The following TCN2 variants were observed in gnomAD, a reference collection of about 807,000 sequenced individuals.
TCN2 encodes the protein transcobalamin-2.
TCN2 carries 34 observed loss-of-function variants against 48.6 expected under a neutral mutation model. The observed-to-expected ratio is 0.70, with a 90% CI of 0.53 to 0.93. TCN2 has a LOEUF of 0.93. Among genes scored for constraint, TCN2 ranks in the 40% least tolerant of loss-of-function variants. The probability of loss-of-function intolerance (pLI) is 0.00; values close to 1 mark genes in which losing one functional copy is unlikely to be tolerated. For synonymous variants in TCN2, 283 were observed against 212.5 expected (o/e 1.33, Z -2.89); for missense variants, 652 against 526.1 (o/e 1.24, Z -2.34).
chr22:30,614,184 C>T (rs771939997), intron 3 of TCN2, among the ~76,000 whole-genome samples, 165 bp from the exon 4 acceptor site: 2 of 152,202 alleles, frequency 1.3e-5, no homozygotes, highest in Non-Finnish European at 2.9e-5. Flanking sequence ...CAGTGCCTGA[C>T]ACACAGTGAG....
intron 4 of TCN2, 149 bp downstream of exon 4, chr22:30,614,650 A>G: frequency 8.3e-7 from 1 of 1,208,228 alleles, no homozygotes; most frequent in Middle Eastern, 2.7e-4. Flanking sequence ...GCGAGGGCTC[A>G]TGGGTGATGC....
chr22:30,614,093 C>T (rs756220265), intron 3 of TCN2, among the ~76,000 whole-genome samples: 37 of 152,220 alleles, frequency 2.4e-4, no homozygotes, highest in Non-Finnish European at 4.8e-4. Flanking sequence ...GTTGCAATTG[C>T]AGTCGCATGA....
intron 8 of TCN2, among the ~76,000 whole-genome samples, chr22:30,625,229 A>AAAATAACAG (rs1488920553): frequency 6.6e-6 from 1 of 152,152 alleles, no homozygotes; most frequent in Non-Finnish European, 1.5e-5. Context: ...AAAATGAAAT[A>AAAATAACAG]AAATAACAGA....
chr22:30,611,020 T>C lies in TCN2; in HGVS notation c.214T>C (p.Tyr72His). 6.2e-7 allele frequency: 1 copy of C among 1,614,144 alleles called. No homozygotes were observed. The highest frequency in any genetic ancestry group is 8.5e-7 in the Non-Finnish European group (1 of 1,179,992). ...SLQAGTKEDL[Y>H]LHSLKLGYQQ... ...GCAGGCTGGGACCAAGGAAGACCTC[T>C]ACCTGCACAGCCTCAAGCTTGGTTA... The change falls in exon 2 of 9, where the codon TAC becomes CAC. Residue 72 changes from tyrosine to histidine, a missense_variant. Coordinates refer to ENST00000215838, the MANE Select transcript of TCN2 (RefSeq NM_000355.4).
chr22:30,621,985 A>C (rs2087707196), intron 7 of TCN2, among the ~76,000 whole-genome samples: 1 of 151,718 alleles, frequency 6.6e-6, no homozygotes, highest in Admixed American at 6.6e-5. Context: ...TGGCCCACGG[A>C]GTTTGTTTTG....
chr22:30,623,813 TACACACAC>T (rs1350280322), intron 8 of TCN2, among the ~76,000 whole-genome samples: 23 of 53,940 alleles, frequency 4.3e-4, no homozygotes, highest in Non-Finnish European at 6.1e-4. Context: ...TACACATATA[TACACACAC>T]ATACACACAC....
intron 7 of TCN2, among the ~76,000 whole-genome samples, chr22:30,621,293 T>G (rs893480073): frequency 6.6e-6 from 1 of 152,056 alleles, no homozygotes; most frequent in South Asian, 2.1e-4. Context: ...GCGCCCCACC[T>G]GTGTTTCTTA....
intron 1 of TCN2, 139 bp from the exon 2 acceptor site, chr22:30,610,732 C>T: frequency 1.2e-6 from 1 of 822,364 alleles, no homozygotes; most frequent in South Asian, 1.6e-5. Flanking sequence ...GGCTGCATTT[C>T]CCCCTGCAAG....
Position 30,623,857 on chromosome 22 carries a change from CATACACACATAT to C in TCN2, c.1222+802_1222+813del, listed in dbSNP as rs1411487862. Among the ~76,000 whole-genome samples the C allele has an allele frequency of 1.0e-3, 24 of 24,074 alleles. 6 individuals are homozygous for C. Among genetic ancestry groups the C allele is most frequent in the South Asian group, 2.4e-3 (4 of 1,672 alleles). 15.8% of individuals were successfully genotyped at this position (24,074 alleles called of 152,430 possible). A position where few individuals can be genotyped will look rare whatever the true frequency, so the allele number is the denominator to read the frequency against. ...ATATACACACACATACATACACATA[CATACACACATAT>C]ATACACACATATATACACACATATA... On this transcript the variant is annotated intron_variant, in intron 8 of 8. Coordinates refer to ENST00000215838, the MANE Select transcript of TCN2 (RefSeq NM_000355.4).
rs754253807 is a variant in TCN2, at chr22:30,614,411, C to A, written c.490C>A (p.Leu164Met). 2 of 1,614,062 alleles carry A rather than the reference C, an allele frequency of 1.2e-6. No homozygotes were observed. Among genetic ancestry groups the A allele is most frequent in the Non-Finnish European group, 1.7e-6 (2 of 1,180,030 alleles). Residue 164 changes from leucine (L) to methionine (M), a missense_variant, in exon 4 of 9, where the codon CTG becomes ATG. Leu to Met is a conservative substitution (Grantham distance 15). Coordinates refer to ENST00000215838, the MANE Select transcript of TCN2 (RefSeq NM_000355.4). ...YYQYGLGILA[L>M]CLHQKRVHDS... ...CCAGTATGGCCTGGGCATTCTGGCCCTGTGTCTCCACCAGAAGCGGGTCCA... is the reference window on the plus strand; with the variant it reads ...CCAGTATGGCCTGGGCATTCTGGCCATGTGTCTCCACCAGAAGCGGGTCCA...
chr22:30,619,373 G>T (rs1484360148), intron 7 of TCN2, among the ~76,000 whole-genome samples: 3 of 152,190 alleles, frequency 2.0e-5, no homozygotes, highest in Non-Finnish European at 4.4e-5. Context: ...AGCCGCCGTG[G>T]CTGGCCAGAA....
chr22:30,614,329 T>G lies in TCN2; in HGVS notation c.428-20T>G. On this transcript the variant is annotated intron_variant, in intron 3 of 8. Transcript: ENST00000215838. Reference sequence around the variant, plus strand: ...TGGGTGGGGGCAGAGAGGCAACCCCTCTGTTTTTTTCCCTCTCAGGGCATG... The same window carrying G: ...TGGGTGGGGGCAGAGAGGCAACCCCGCTGTTTTTTTCCCTCTCAGGGCATG... The G allele has an allele frequency of 6.2e-7, 1 of 1,613,348 alleles. No individual in the cohort carries two copies. Among genetic ancestry groups the G allele is most frequent in the Non-Finnish European group, 8.5e-7 (1 of 1,179,522 alleles).
At position 30,615,584 on chromosome 22, in the gene TCN2, C is replaced by T. The variant is rs913335645; in HGVS notation, c.754-17C>T. The T allele has an allele frequency of 1.2e-6, 2 of 1,613,976 alleles. No individual in the cohort carries two copies. Among genetic ancestry groups the T allele is most frequent in the African/African-American group, 1.3e-5 (1 of 74,922 alleles). Reference sequence around the variant, plus strand: ...TGCCGGCTGACTTCCTCTCTCTCTTCCTCACTCTATCACCAGTTCCTCATG... The same window carrying T: ...TGCCGGCTGACTTCCTCTCTCTCTTTCTCACTCTATCACCAGTTCCTCATG... On this transcript the variant is annotated splice_polypyrimidine_tract_variant and intron_variant, in intron 5 of 8. Coordinates refer to ENST00000215838, the MANE Select transcript of TCN2 (RefSeq NM_000355.4).
At position 30,626,690 on chromosome 22, in the gene TCN2, A is replaced by G; in HGVS notation, c.*169A>G. 1 of 717,668 alleles carries G rather than the reference A, an allele frequency of 1.4e-6. No homozygotes were observed. The highest frequency in any genetic ancestry group is 1.6e-5 in the South Asian group (1 of 63,784). The allele number at this position is 717,668 out of a possible 1,614,324, so 44.5% of individuals were successfully genotyped here. On this transcript the variant is annotated 3_prime_UTR_variant, in exon 9 of 9. Transcript: ENST00000215838. Reference sequence around the variant, plus strand: ...ACAAGCCCTTCGAGGGCCCTATACCATGGCCCACCTTGGAGCAGAGAGCCA... The same window carrying G: ...ACAAGCCCTTCGAGGGCCCTATACCGTGGCCCACCTTGGAGCAGAGAGCCA...
chr22:30,613,236 C>T (rs1448124713), intron 3 of TCN2, among the ~76,000 whole-genome samples, 194 bp downstream of exon 3: 2 of 152,182 alleles, frequency 1.3e-5, no homozygotes, highest in African/African-American at 4.8e-5. Context: ...TCCCGCGCTG[C>T]ACACATACTA....
At chr22:30,612,797 G>A in intron 2 of TCN2, 76 bp from the exon 3 acceptor site, 3 of 1,581,848 alleles carry the variant, frequency 1.9e-6, no homozygotes, top group Admixed American at 3.4e-5. Flanking sequence ...GCTTTGTGAT[G>A]CGGGTGGGGT....
intron 4 of TCN2, 44 bp downstream of exon 4, chr22:30,614,545 A>G (rs776012946): frequency 6.2e-7 from 1 of 1,612,578 alleles, no homozygotes. Flanking sequence ...GCACTCCCTC[A>G]GTCCCCAGGT....
chr22:30,626,182 G>T (rs544640423), intron 8 of TCN2, among the ~76,000 whole-genome samples: 1 of 152,144 alleles, frequency 6.6e-6, no homozygotes, highest in African/African-American at 2.4e-5. Flanking sequence ...ACTGCACTGC[G>T]CAAGTTTCTC....
chr22:30,618,175 C>G (rs982639514), intron 7 of TCN2, among the ~76,000 whole-genome samples: 2 of 147,036 alleles, frequency 1.4e-5, no homozygotes, highest in Admixed American at 1.4e-4. Context: ...GTCTCAAATT[C>G]CTGGCCTCAA....
Sources: allele counts gnomAD v4.1 joint callset (sites outside exome capture counted in the v4.1 genomes callset), GRCh38; gene constraint gnomAD v4.1.1; transcripts MANE v1.5; gene names NCBI Gene and HGNC (gene_info 2026-07-23, HGNC 2026-07-21).